Variants in LIG1 observed in about 807,000 individuals in gnomAD.
The protein encoded by LIG1 is ligase I, DNA, ATP-dependent.
LIG1 carries 70 observed loss-of-function variants against 115.7 expected under a neutral mutation model. That is an observed-to-expected ratio of 0.60 (90% CI 0.50 to 0.74). The LOEUF (loss-of-function observed/expected upper bound fraction) is 0.74, where lower values mean the gene tolerates loss of function less well. Among genes scored for constraint, LIG1 ranks in the 30% least tolerant of loss-of-function variants. LIG1 has a pLI of 0.00. For missense variants in LIG1, 1,115 were observed against 1,225.6 expected, an observed-to-expected ratio of 0.91 and a Z score of 1.35; for synonymous variants, 487 against 495.3, an observed-to-expected ratio of 0.98 and a Z score of 0.22.
intron 2 of LIG1, among the ~76,000 whole-genome samples, chr19:48,163,746 A>T (rs2036319006): frequency 6.6e-6 from 1 of 152,090 alleles, no homozygotes; most frequent in Non-Finnish European, 1.5e-5. Flanking sequence ...GATCAAGACC[A>T]TCCTGGCTAA....
Position 48,128,039 on chromosome 19 carries a change from G to A in LIG1, c.1822-19C>T, listed in dbSNP as rs2033786980. ...GTTTAATCTGAAAAGTGAAGGGAGA[G>A]ACCCAGGGCCTGAGAGAGGTGGAAG... On this transcript the variant is annotated intron_variant, in intron 19 of 27. Coordinates refer to ENST00000263274, the MANE Select transcript of LIG1 (RefSeq NM_000234.3). 2.5e-6 allele frequency: 4 copies of A among 1,590,356 alleles called. No individual in the cohort carries two copies. In the East Asian group the frequency reaches 8.9e-5, roughly 36 times the overall value.
At chr19:48,140,850 T>C (rs181081395) in intron 11 of LIG1, among the ~76,000 whole-genome samples, 1 of 152,224 alleles carries the variant, frequency 6.6e-6, no homozygotes, top group African/African-American at 2.4e-5. Flanking sequence ...CGCCAAATTA[T>C]CTTTAAAAAC....
intron 1 of LIG1, 136 bp from the exon 2 acceptor site, chr19:48,165,759 T>C: frequency 1.4e-6 from 1 of 714,190 alleles, no homozygotes; most frequent in East Asian, 2.6e-5. Context: ...AAACTCCTGT[T>C]TTTATGAACC....
At chr19:48,142,530 A>G (rs1328088216) in intron 11 of LIG1, among the ~76,000 whole-genome samples, 1 of 151,958 alleles carries the variant, frequency 6.6e-6, no homozygotes, top group Non-Finnish European at 1.5e-5. Flanking sequence ...CCATGTGAGA[A>G]CGAAGGGACA....
In LIG1 at chr19:48,115,616, T is replaced by C. The variant is rs1309747622; in HGVS notation, c.*33A>G. ...ATAACCCTGGGGTCCGTCCAACTCA[T>C]GCCCTGTACCCAGGCCCTAGGAGGG... On this transcript the variant is annotated 3_prime_UTR_variant, in exon 28 of 28. Transcript: ENST00000263274. 4.0e-6 allele frequency: 6 copies of C among 1,499,966 alleles called. No homozygotes were observed. Among genetic ancestry groups the C allele is most frequent in the African/African-American group, 1.4e-5 (1 of 72,500 alleles). 92.9% of individuals were successfully genotyped at this position (1,499,966 alleles called of 1,614,324 possible).
Position 48,127,262 on chromosome 19 carries a change from G to T in LIG1, c.2004+15C>A. The T allele has an allele frequency of 1.2e-6, 2 of 1,612,028 alleles. No individual in the cohort carries two copies. The highest frequency in any genetic ancestry group is 1.7e-6 in the Non-Finnish European group (2 of 1,178,454). ...TCACCCCTCAGCTGCCCCTGGACAGGAAGCTGGAACTCACCTCTCCATTGA... is the reference window on the plus strand; with the variant it reads ...TCACCCCTCAGCTGCCCCTGGACAGTAAGCTGGAACTCACCTCTCCATTGA... On this transcript the variant is annotated intron_variant, in intron 21 of 27. Coordinates refer to ENST00000263274, the MANE Select transcript of LIG1 (RefSeq NM_000234.3).
chr19:48,154,302 T>C, intron 5 of LIG1: 1 of 357,032 alleles, frequency 2.8e-6, no homozygotes, highest in South Asian at 2.2e-5. Context: ...CCTCAGATCT[T>C]AACTGCCTCC....
In LIG1 at chr19:48,137,578, T is replaced by C. The variant is rs2034473636; in HGVS notation, c.1198A>G (p.Thr400Ala). Residue 400 changes from threonine to alanine, a missense_variant, in exon 13 of 28, where the codon ACT becomes GCT. Thr to Ala is a moderately conservative substitution (Grantham distance 58). Transcript: ENST00000263274. The surrounding 1 kb of genome is among the most constrained non-coding windows in gnomAD (Gnocchi z 4.3). The stretch of plus-strand genomic sequence containing the variant: ...AACTTGCTGAAGACCCCGGAGGCAG[T>C]GAGCGGAGGTGGTGGCAGCATGAGC... The part of the protein sequence containing the change: ...QRLMLPPPPL[T>A]ASGVFSKFRD... 1 of 1,613,432 alleles carries C rather than the reference T, an allele frequency of 6.2e-7. No homozygotes were observed. Among genetic ancestry groups the C allele is most frequent in the Non-Finnish European group, 8.5e-7 (1 of 1,179,988 alleles).
rs1263443410 is a variant in LIG1, at chr19:48,150,223, A to C, written c.575-13T>G. 1 of 1,613,608 alleles carries C rather than the reference A, an allele frequency of 6.2e-7. No homozygotes were observed. The highest frequency in any genetic ancestry group is 1.1e-5 in the South Asian group (1 of 91,076). ...GGGGTCTCTGCTTCTGCGGTGAGAG[A>C]GCTCAGACGGTGATGCAAACTCTTT... On this transcript the variant is annotated splice_polypyrimidine_tract_variant and intron_variant, in intron 7 of 27. Coordinates refer to ENST00000263274, the MANE Select transcript of LIG1 (RefSeq NM_000234.3).
In LIG1 at chr19:48,139,982, G is replaced by A; in HGVS notation, c.1076C>T (p.Ala359Val). ...ACAGTCCCCCTTACCTGTGGCCTGG[G>A]CCACTGCCTTGAGAAGGACACCATC... ...VGDGVLLKAV[A>V]QATGRQLESV... The change falls in exon 12 of 28, where the codon GCC becomes GTC. Residue 359 changes from alanine to valine, a missense_variant. Transcript: ENST00000263274. 6.2e-7 allele frequency: 1 copy of A among 1,614,154 alleles called. No individual in the cohort carries two copies. The highest frequency in any genetic ancestry group is 1.3e-5 in the African/African-American group (1 of 75,052).
rs759953570 is a variant in LIG1 at position 48,119,130 on chromosome 19, G to T, written c.2439+7C>A. The T allele has an allele frequency of 8.1e-5, 128 of 1,575,938 alleles. 1 individual carries two copies. Among genetic ancestry groups the T allele is most frequent in the Non-Finnish European group, 1.1e-4 (126 of 1,160,766 alleles). ...GTGGAGGCTGAGGCGCAGCCGCCAT[G>T]GCTCACCTTGAGGCTCTGGTGATGC... is the stretch of plus-strand genomic sequence containing the variant. On this transcript the variant is annotated splice_region_variant and intron_variant, in intron 25 of 27. Transcript: ENST00000263274.
rs764859654 is a variant in LIG1, at chr19:48,163,441, GAACTCCTGATC to G, written c.18-1101_18-1091del. 4.0e-5 allele frequency among the ~76,000 whole-genome samples: 6 copies of G among 151,596 alleles called. No homozygotes were observed. In the South Asian group the frequency reaches 8.4e-4, roughly 21 times the overall value. On this transcript the variant is annotated intron_variant, in intron 2 of 27. Coordinates refer to ENST00000263274, the MANE Select transcript of LIG1 (RefSeq NM_000234.3). ...TCACCATGTTGGTCAGGCTGGTCTC[GAACTCCTGATC>G]TCAGGTGATCCTCCTGCCTCCCAAA... is the stretch of plus-strand genomic sequence containing the variant.
intron 11 of LIG1, 24 bp downstream of exon 11, chr19:48,143,518 CA>C: frequency 1.7e-6 from 1 of 594,082 alleles, no homozygotes; most frequent in Non-Finnish European, 3.2e-6. Context: ...CCCCGCCCCC[CA>C]CCCAGGCAGT....
chr19:48,133,657 G>A (rs2034186959), intron 17 of LIG1, among the ~76,000 whole-genome samples: 1 of 152,118 alleles, frequency 6.6e-6, no homozygotes, highest in Admixed American at 6.5e-5. Context: ...GTGCAGTAGC[G>A]CGATGACGGC....
intron 24 of LIG1, 45 bp downstream of exon 24, chr19:48,121,125 T>A (rs1172980294): frequency 1.1e-5 from 17 of 1,613,712 alleles, no homozygotes; most frequent in Non-Finnish European, 1.4e-5. Context: ...GGGAGTCTAA[T>A]CTCCTTCCCT....
chr19:48,135,978 G>C (rs2288882), intron 15 of LIG1, 56 bp downstream of exon 15: 1 of 1,414,534 alleles, frequency 7.1e-7, no homozygotes, highest in Non-Finnish European at 9.7e-7. Flanking sequence ...GAAGAGGAGG[G>C]GGGAAGCCTG....
chr19:48,138,550 A>G (rs1159502874), intron 12 of LIG1, among the ~76,000 whole-genome samples: 1 of 152,214 alleles, frequency 6.6e-6, no homozygotes, highest in Non-Finnish European at 1.5e-5. Context: ...TTATCGAATC[A>G]CACATCAAAG....
At chr19:48,159,284 C>T (rs140961259) in intron 4 of LIG1, among the ~76,000 whole-genome samples, 1,568 of 152,256 alleles carry the variant, frequency 0.01, 33 homozygotes, top group African/African-American at 0.036. Context: ...GTTGGCCTGG[C>T]TGCTCTCGAA....
At chr19:48,160,220 T>A (rs568923340) in intron 4 of LIG1, among the ~76,000 whole-genome samples, 1 of 152,244 alleles carries the variant, frequency 6.6e-6, no homozygotes, top group East Asian at 1.9e-4. Flanking sequence ...TGGTCAATTG[T>A]TATGGCAGCA....
Sources: gnomAD v4.1 joint callset for allele counts (sites outside exome capture counted in the v4.1 genomes callset) on GRCh38, gnomAD v4.1.1 for gene constraint, Gnocchi (gnomAD v3.1) non-coding constraint, MANE v1.5 for transcripts, NCBI Gene and HGNC (gene_info 2026-07-23, HGNC 2026-07-21) for gene names.